The following SLC44A5 variants were observed in gnomAD, a reference collection of about 807,000 sequenced individuals.
The protein encoded by SLC44A5 is choline transporter-like protein 5.
Under a neutral mutation model 101.8 loss-of-function variants are expected in SLC44A5, and 57 were observed. That is an observed-to-expected ratio of 0.56 (90% CI 0.45 to 0.70). SLC44A5 has a LOEUF of 0.70. Among genes scored for constraint, SLC44A5 ranks in the 30% least tolerant of loss-of-function variants. The probability of loss-of-function intolerance (pLI) is 0.00; values close to 1 mark genes in which losing one functional copy is unlikely to be tolerated. For synonymous variants in SLC44A5, 281 were observed against 290.9 expected (o/e 0.97, Z 0.35); for missense variants, 737 against 853.1 (o/e 0.86, Z 1.70).
At chr1:75,259,208 A>G (rs1239384426) in intron 6 of SLC44A5, among the ~76,000 whole-genome samples, 1 of 152,188 alleles carries the variant, frequency 6.6e-6, no homozygotes, top group Non-Finnish European at 1.5e-5. Context: ...AGGCTTCAGA[A>G]GATGGGTAAT....
chr1:75,615,794 AG>A, upstream of SLC44A5: 6 of 918,002 alleles, frequency 6.5e-6, no homozygotes, highest in Non-Finnish European at 7.8e-6. Context: ...GGCCGGCCCG[AG>A]GGGCAGAGGG....
chr1:75,215,671 A>G, intron 19 of SLC44A5, 83 bp downstream of exon 19: 2 of 766,716 alleles, frequency 2.6e-6, no homozygotes, highest in Non-Finnish European at 4.5e-6. Context: ...CATGAAGTAA[A>G]AGTACTTTAG....
intron 5 of SLC44A5, among the ~76,000 whole-genome samples, chr1:75,285,632 C>T (rs1652976396): frequency 6.6e-6 from 1 of 152,012 alleles, no homozygotes. Context: ...CTTAGCACCA[C>T]TTTTGCTGTA....
chr1:75,711,797 C>T, the SLC44A5 span, among the ~76,000 whole-genome samples: 3 of 152,186 alleles, frequency 2.0e-5, no homozygotes, highest in African/African-American at 4.8e-5. Context: ...ATCATGCTGG[C>T]AAGCAGAAAT....
At chr1:75,361,892 AT>A (rs1659511883) in intron 3 of SLC44A5, among the ~76,000 whole-genome samples, 1 of 151,902 alleles carries the variant, frequency 6.6e-6, no homozygotes. Flanking sequence ...ATTCACTTCA[AT>A]TTTTTGAAAC....
chr1:75,569,901 GA>G (rs1672984638), intron 1 of SLC44A5, among the ~76,000 whole-genome samples: 1 of 152,156 alleles, frequency 6.6e-6, no homozygotes, highest in Non-Finnish European at 1.5e-5. Flanking sequence ...TACAGGAGAG[GA>G]AAAGTGAGAT....
intron 2 of SLC44A5, among the ~76,000 whole-genome samples, chr1:75,409,520 C>A: frequency 6.6e-6 from 1 of 151,888 alleles, no homozygotes; most frequent in East Asian, 1.9e-4. Context: ...GAGAGAAAGG[C>A]AACAGAGAAA....
At chr1:75,376,610 G>C (rs1269345709) in intron 3 of SLC44A5, among the ~76,000 whole-genome samples, 1 of 152,000 alleles carries the variant, frequency 6.6e-6, no homozygotes, top group Non-Finnish European at 1.5e-5. Flanking sequence ...CAGACCTGCA[G>C]CTGAGGGTCC....
chr1:75,270,748 G>A (rs949348754), intron 6 of SLC44A5, among the ~76,000 whole-genome samples: 2 of 151,992 alleles, frequency 1.3e-5, no homozygotes, highest in African/African-American at 2.4e-5. Context: ...TTCACATATT[G>A]TTGAGTATCT....
At chr1:75,410,089 C>A (rs1663177326) in intron 2 of SLC44A5, among the ~76,000 whole-genome samples, 1 of 152,058 alleles carries the variant, frequency 6.6e-6, no homozygotes, top group African/African-American at 2.4e-5. Context: ...TACCAGGTGT[C>A]TTTAATACTA....
the SLC44A5 span, among the ~76,000 whole-genome samples, chr1:75,693,091 A>G: frequency 6.6e-6 from 1 of 152,236 alleles, no homozygotes; most frequent in East Asian, 1.9e-4. Context: ...AATGGATTGG[A>G]GATCCTAGTG....
At chr1:75,495,496 A>T (rs1168885593) in intron 2 of SLC44A5, among the ~76,000 whole-genome samples, 1 of 152,010 alleles carries the variant, frequency 6.6e-6, no homozygotes, top group Non-Finnish European at 1.5e-5. Flanking sequence ...AAGATGCTCA[A>T]TGAGATAAGG....
chr1:75,643,656 T>C, the SLC44A5 span, among the ~76,000 whole-genome samples: 1 of 152,354 alleles, frequency 6.6e-6, no homozygotes, highest in African/African-American at 2.4e-5. Context: ...CTCAGGATAG[T>C]AAATAAGTCT....
chr1:75,660,139 T>C, the SLC44A5 span, among the ~76,000 whole-genome samples: 1 of 151,828 alleles, frequency 6.6e-6, no homozygotes, highest in Non-Finnish European at 1.5e-5. Context: ...AGGAGGCAAA[T>C]GTTGCAGTGA....
chr1:75,675,748 A>G, the SLC44A5 span, among the ~76,000 whole-genome samples: 1 of 152,210 alleles, frequency 6.6e-6, no homozygotes, highest in South Asian at 2.1e-4. Context: ...AAAAGAAACT[A>G]TCATCAGAGT....
At chr1:75,313,695 A>G (rs1655477926) in intron 4 of SLC44A5, among the ~76,000 whole-genome samples, 1 of 152,146 alleles carries the variant, frequency 6.6e-6, no homozygotes. Context: ...AAGAGGATAA[A>G]AGTGACATCT....
At chr1:75,213,645 C>T in intron 22 of SLC44A5, 60 bp downstream of exon 22, 1 of 1,201,862 alleles carries the variant, frequency 8.3e-7, no homozygotes, top group Admixed American at 1.9e-5. Flanking sequence ...TTGTTTAAGT[C>T]ATCCAGTCTA....
At chr1:75,243,433 G>A (rs1053341049) in intron 7 of SLC44A5, among the ~76,000 whole-genome samples, 5 of 151,820 alleles carry the variant, frequency 3.3e-5, no homozygotes, top group African/African-American at 1.2e-4. Flanking sequence ...CACTGAACCT[G>A]GTCTAAATCA....
intron 2 of SLC44A5, among the ~76,000 whole-genome samples, chr1:75,523,010 G>A (rs141551516): frequency 2.2e-4 from 33 of 152,298 alleles, no homozygotes; most frequent in African/African-American, 7.7e-4. Flanking sequence ...AGCTAGAAAT[G>A]AATGCATATT....
Sources: gnomAD v4.1 joint callset for allele counts (sites outside exome capture counted in the v4.1 genomes callset) on GRCh38, gnomAD v4.1.1 for gene constraint, MANE v1.5 for transcripts, NCBI Gene and HGNC (gene_info 2026-07-23, HGNC 2026-07-21) for gene names.